IL1RAPL1: variants seen among roughly 807,000 people sequenced by gnomAD.
IL1RAPL1 encodes interleukin 1 receptor accessory protein like 1.
IL1RAPL1 carries 3 observed loss-of-function variants against 48.4 expected under a neutral mutation model. The ratio of observed to expected loss-of-function variants is 0.06; its 90% confidence interval spans 0.03 to 0.16. IL1RAPL1 has a LOEUF of 0.16. IL1RAPL1 is among the 10% of genes least tolerant of loss of function. The probability of loss-of-function intolerance (pLI) is 1.00; values close to 1 mark genes in which losing one functional copy is unlikely to be tolerated. For synonymous variants in IL1RAPL1, 185 were observed against 187.7 expected (o/e 0.99, Z 0.12); for missense variants, 349 against 530.6 (o/e 0.66, Z 3.36).
chrX:29,597,996 CTTTTGTAATT>C (rs61199805), intron 5 of IL1RAPL1, among the ~76,000 whole-genome samples: 33,699 of 109,973 alleles, frequency 0.31, 3,894 homozygotes, highest in South Asian at 0.47. Context: ...TTTCATTTAT[CTTTTGTAATT>C]TTTTGTTTCT....
chrX:29,903,552 G>GTAAGT (rs1458630636), intron 6 of IL1RAPL1, among the ~76,000 whole-genome samples: 2 of 111,255 alleles, frequency 1.8e-5, no homozygotes, highest in Middle Eastern at 4.7e-3. Flanking sequence ...TTATTTTTCA[G>GTAAGT]TAAGTTAGAG....
intron 6 of IL1RAPL1, among the ~76,000 whole-genome samples, chrX:29,703,814 G>A (rs372360101): frequency 8.9e-6 from 1 of 112,000 alleles, no homozygotes; most frequent in Non-Finnish European, 1.9e-5. Flanking sequence ...TCTAAATCTT[G>A]AGGGTCATAA....
chrX:28,745,260 C>T (rs112348726), intron 1 of IL1RAPL1, among the ~76,000 whole-genome samples: 20,015 of 111,189 alleles, frequency 0.18, 1,692 homozygotes, highest in Admixed American at 0.34. Context: ...CAAATTCTCA[C>T]GTTCATTACC....
chrX:28,830,263 G>A (rs1017554774), intron 2 of IL1RAPL1, among the ~76,000 whole-genome samples: 4 of 111,518 alleles, frequency 3.6e-5, no homozygotes, highest in Non-Finnish European at 7.5e-5. Context: ...AGGTGTGGGA[G>A]GTTTAAATTT....
chrX:29,925,714 A>C (rs1932884678), intron 8 of IL1RAPL1, among the ~76,000 whole-genome samples: 1 of 108,133 alleles, frequency 9.2e-6, no homozygotes, highest in Non-Finnish European at 1.9e-5. Flanking sequence ...TTTAAAAAAA[A>C]AAAATTGTAG....
intron 6 of IL1RAPL1, among the ~76,000 whole-genome samples, chrX:29,853,572 G>T (rs1931419245): frequency 9.1e-6 from 1 of 110,299 alleles, no homozygotes; most frequent in Non-Finnish European, 1.9e-5. Flanking sequence ...TACTTTTATG[G>T]GTAACACTTG....
Position 29,941,587 on chromosome X carries a change from A to G in IL1RAPL1, c.1058-64A>G. ...TCCAGGAAAATGTGAAATCAAACTG[A>G]GTTTAATTTATGATTTTGGATGTGA... On this transcript the variant is annotated intron_variant, in intron 8 of 10. Coordinates refer to ENST00000378993, the MANE Select transcript of IL1RAPL1 (RefSeq NM_014271.4). 2.7e-6 allele frequency: 3 copies of G among 1,098,606 alleles called. No individual in the cohort carries two copies. In the South Asian group the frequency reaches 5.5e-5, roughly 20 times the overall value. 90.5% of individuals were successfully genotyped at this position (1,098,606 alleles called of 1,213,427 possible).
chrX:29,353,192 A>G (rs1933256639), intron 3 of IL1RAPL1, among the ~76,000 whole-genome samples: 4 of 111,904 alleles, frequency 3.6e-5, no homozygotes, highest in Non-Finnish European at 7.5e-5. Flanking sequence ...GTGAAATAAA[A>G]GATGTTAAGC....
intron 5 of IL1RAPL1, among the ~76,000 whole-genome samples, chrX:29,584,682 T>C (rs1446819016): frequency 1.8e-5 from 2 of 111,696 alleles, no homozygotes; most frequent in East Asian, 5.7e-4. Context: ...GCCTCATGAA[T>C]AGCTAGGATT....
intron 5 of IL1RAPL1, among the ~76,000 whole-genome samples, chrX:29,421,534 T>A (rs16998017): frequency 0.048 from 4,602 of 96,444 alleles, 280 homozygotes; most frequent in African/African-American, 0.17. Flanking sequence ...ACAGGAAAAA[T>A]AAGAGAGTAA....
intron 8 of IL1RAPL1, among the ~76,000 whole-genome samples, chrX:29,924,469 G>A (rs1223584879): frequency 6.3e-5 from 7 of 111,919 alleles, no homozygotes; most frequent in African/African-American, 2.3e-4. Context: ...CATTTGTGCT[G>A]GCCAAAGTTA....
intron 2 of IL1RAPL1, among the ~76,000 whole-genome samples, chrX:29,101,385 C>T (rs1928334392): frequency 2.7e-5 from 3 of 111,613 alleles, no homozygotes; most frequent in Admixed American, 9.5e-5. Context: ...AGTGCAGCTT[C>T]GGACTCAGTG....
At chrX:29,858,116 T>C (rs926658246) in intron 6 of IL1RAPL1, among the ~76,000 whole-genome samples, 5 of 111,382 alleles carry the variant, frequency 4.5e-5, no homozygotes, top group Non-Finnish European at 9.4e-5. Flanking sequence ...TGTGCCACCC[T>C]TCAACCTCCT....
At chrX:29,212,992 G>T (rs755237391) in intron 2 of IL1RAPL1, among the ~76,000 whole-genome samples, 16 of 110,697 alleles carry the variant, frequency 1.4e-4, no homozygotes, top group African/African-American at 5.0e-4. Flanking sequence ...TTCAGAATTA[G>T]ACAACTTTTT....
intron 6 of IL1RAPL1, among the ~76,000 whole-genome samples, chrX:29,901,881 G>A (rs1268477686): frequency 8.9e-6 from 1 of 111,959 alleles, no homozygotes; most frequent in African/African-American, 3.2e-5. Context: ...AAATATTGGA[G>A]GATAAAAAGA....
intron 6 of IL1RAPL1, among the ~76,000 whole-genome samples, chrX:29,717,432 A>G (rs1023027567): frequency 8.9e-6 from 1 of 112,430 alleles, no homozygotes; most frequent in Admixed American, 9.4e-5. Context: ...TGAGGTTAGA[A>G]AAATGGAAAT....
chrX:29,884,174 A>G (rs1465102633), intron 6 of IL1RAPL1, among the ~76,000 whole-genome samples: 2 of 112,027 alleles, frequency 1.8e-5, no homozygotes, highest in Non-Finnish European at 3.8e-5. Flanking sequence ...ATTCCAGTTC[A>G]TTCTATTCAT....
intron 2 of IL1RAPL1, among the ~76,000 whole-genome samples, chrX:28,856,104 A>T (rs1921799054): frequency 8.9e-6 from 1 of 111,824 alleles, no homozygotes; most frequent in African/African-American, 3.2e-5. Flanking sequence ...CTACCTTTAA[A>T]AGTGAAATTA....
intron 2 of IL1RAPL1, among the ~76,000 whole-genome samples, chrX:29,233,737 A>G (rs1931242468): frequency 1.8e-5 from 2 of 112,251 alleles, no homozygotes; most frequent in African/African-American, 6.5e-5. Flanking sequence ...TTTTGTGTAT[A>G]TAATTTAGGC....
Sources: allele counts gnomAD v4.1 joint callset (sites outside exome capture counted in the v4.1 genomes callset), GRCh38; gene constraint gnomAD v4.1.1; transcripts MANE v1.5; gene names NCBI Gene and HGNC (gene_info 2026-07-23, HGNC 2026-07-21).